The following SPATA31H1 variants were observed in gnomAD, a reference collection of about 807,000 sequenced individuals.
SPATA31H1 encodes spermatogenesis-associated protein 31H1.
the SPATA31H1 span, among the ~76,000 whole-genome samples, chr2:27,560,623 A>G: frequency 5.4e-3 from 826 of 151,982 alleles, 2 homozygotes; most frequent in Non-Finnish European, 9.5e-3. Flanking sequence ...ACACCCAGCT[A>G]ATTTTTTGTA....
the SPATA31H1 span, among the ~76,000 whole-genome samples, chr2:27,542,369 C>A: frequency 6.6e-6 from 1 of 151,834 alleles, no homozygotes; most frequent in African/African-American, 2.4e-5. Context: ...TGTACTCCAG[C>A]CTGGGTGACA....
chr2:27,571,748 T>C, the SPATA31H1 span: 5 of 398,354 alleles, frequency 1.3e-5, no homozygotes, highest in Admixed American at 2.2e-4. Flanking sequence ...AGCTTCGAAG[T>C]TTAAAATCTA....
the SPATA31H1 span, among the ~76,000 whole-genome samples, chr2:27,554,807 T>C: frequency 6.6e-6 from 1 of 151,914 alleles, no homozygotes; most frequent in Non-Finnish European, 1.5e-5. Flanking sequence ...CTCCTGGCCT[T>C]AAGTGATCCA....
At chr2:27,577,156 T>C in the SPATA31H1 span, 1 of 1,614,036 alleles carries the variant, frequency 6.2e-7, no homozygotes, top group Non-Finnish European at 8.5e-7. This position sits in a 1 kb window ranked among gnomAD's most constrained non-coding sequence, Gnocchi z 4.5. Flanking sequence ...TCCTTAGGGA[T>C]GCTGCTGCAG....
At chr2:27,575,161 C>T in the SPATA31H1 span, 10 of 398,380 alleles carry the variant, frequency 2.5e-5, no homozygotes, top group Admixed American at 4.4e-5. This position sits in a 1 kb window ranked among gnomAD's most constrained non-coding sequence, Gnocchi z 4.1. Flanking sequence ...AAGCTTCAGA[C>T]GGTGAACTCT....
chr2:27,567,569 G>A, the SPATA31H1 span: 13 of 402,758 alleles, frequency 3.2e-5, no homozygotes, highest in Non-Finnish European at 4.8e-5. Flanking sequence ...TCTCAGATAA[G>A]CAGTTACAAC....
At chr2:27,576,756 T>A in the SPATA31H1 span, 2 of 1,613,988 alleles carry the variant, frequency 1.2e-6, no homozygotes, top group East Asian at 4.5e-5. Flanking sequence ...GGATGTGAAA[T>A]CTTTGGAGTT....
At chr2:27,579,910 G>A in the SPATA31H1 span, 1 of 1,614,040 alleles carries the variant, frequency 6.2e-7, no homozygotes, top group Admixed American at 1.7e-5. Context: ...CTAGCTTCAG[G>A]TCTAGTCCTA....
chr2:27,577,647 C>G, the SPATA31H1 span: 1 of 1,614,056 alleles, frequency 6.2e-7, no homozygotes, highest in Non-Finnish European at 8.5e-7. This position sits in a 1 kb window ranked among gnomAD's most constrained non-coding sequence, Gnocchi z 4.5. Flanking sequence ...ACATCGAGTT[C>G]CTGAATCTGT....
At chr2:27,549,350 T>C in the SPATA31H1 span, among the ~76,000 whole-genome samples, 30 of 151,794 alleles carry the variant, frequency 2.0e-4, no homozygotes, top group African/African-American at 7.3e-4. Flanking sequence ...TTTACTTTTT[T>C]TTTTAAGAGA....
chr2:27,549,072 C>CAAA, the SPATA31H1 span, among the ~76,000 whole-genome samples: 40 of 53,236 alleles, frequency 7.5e-4, no homozygotes, highest in African/African-American at 1.5e-3. Context: ...GACTCCGTCT[C>CAAA]AAAAAAAAAA....
chr2:27,537,761 C>T, the SPATA31H1 span, among the ~76,000 whole-genome samples: 117 of 152,252 alleles, frequency 7.7e-4, no homozygotes, highest in African/African-American at 2.7e-3. Flanking sequence ...TAGAGACTAT[C>T]GCCATTCTCT....
the SPATA31H1 span, chr2:27,575,994 G>A: frequency 2.5e-6 from 1 of 398,740 alleles, no homozygotes; most frequent in Non-Finnish European, 4.4e-6. This position sits in a 1 kb window ranked among gnomAD's most constrained non-coding sequence, Gnocchi z 4.1. Flanking sequence ...ACATTTGCAA[G>A]GTTTAAAATC....
chr2:27,569,011 T>G, the SPATA31H1 span: 1 of 398,712 alleles, frequency 2.5e-6, no homozygotes, highest in Admixed American at 4.4e-5. Context: ...TGTCACCAAG[T>G]GGAAAAATCT....
chr2:27,560,591 G>A, the SPATA31H1 span, among the ~76,000 whole-genome samples: 37 of 151,936 alleles, frequency 2.4e-4, no homozygotes, highest in Non-Finnish European at 1.5e-5. Flanking sequence ...CTGAGTAGCT[G>A]GGACTACAGG....
At chr2:27,578,974 C>T in the SPATA31H1 span, 3 of 1,614,046 alleles carry the variant, frequency 1.9e-6, no homozygotes, top group East Asian at 6.7e-5. Context: ...AATCAAAGCT[C>T]CGATAAGACA....
the SPATA31H1 span, among the ~76,000 whole-genome samples, chr2:27,562,579 A>G: frequency 6.7e-6 from 1 of 149,056 alleles, no homozygotes; most frequent in African/African-American, 2.4e-5. Context: ...ACATATATAT[A>G]ATTATATATA....
chr2:27,568,324 A>G, the SPATA31H1 span: 1 of 398,856 alleles, frequency 2.5e-6, no homozygotes, highest in Non-Finnish European at 4.4e-6. Flanking sequence ...GGGCCACAGC[A>G]TAAAGTCATG....
At chr2:27,551,492 G>A in the SPATA31H1 span, among the ~76,000 whole-genome samples, 33 of 152,122 alleles carry the variant, frequency 2.2e-4, no homozygotes, top group South Asian at 1.7e-3. Flanking sequence ...AAGAGACAGG[G>A]AGAGAGAGAT....
Sources: gnomAD v4.1 joint callset for allele counts (sites outside exome capture counted in the v4.1 genomes callset) on GRCh38, gnomAD v4.1.1 for gene constraint, Gnocchi (gnomAD v3.1) non-coding constraint, MANE v1.5 for transcripts, NCBI Gene and HGNC (gene_info 2026-07-23, HGNC 2026-07-21) for gene names.